VPS13B: variants seen among roughly 807,000 people sequenced by gnomAD.
VPS13B encodes vacuolar protein sorting 13 homolog B.
VPS13B carries 285 observed loss-of-function variants against 426.4 expected under a neutral mutation model. The observed-to-expected ratio is 0.67, with a 90% CI of 0.61 to 0.74. VPS13B has a LOEUF of 0.74. Among genes scored for constraint, VPS13B ranks in the 30% least tolerant of loss-of-function variants. The pLI, the probability that VPS13B is intolerant of heterozygous loss-of-function variation, is 0.00. For missense variants in VPS13B, 4,537 were observed against 4,782.6 expected, an observed-to-expected ratio of 0.95 and a Z score of 1.51; for synonymous variants, 1,676 against 1,676.4, an observed-to-expected ratio of 1.00 and a Z score of 0.01.
In VPS13B at chr8:99,577,601, A is replaced by G; in HGVS notation, c.5188A>G (p.Thr1730Ala). ...ACATCAGTTAATAGTAGCAAATATGACTGGACTGGAACCATCAAACAAGGC... is the reference window on the plus strand; with the variant it reads ...ACATCAGTTAATAGTAGCAAATATGGCTGGACTGGAACCATCAAACAAGGC... ...LLHQLIVANM[T>A]GLEPSNKAAE... The change falls in exon 33 of 62, where the codon ACT becomes GCT. Residue 1730 changes from threonine to alanine, a missense_variant. Coordinates refer to ENST00000357162, the MANE Select transcript of VPS13B (RefSeq NM_152564.5). 6.2e-7 allele frequency: 1 copy of G among 1,613,846 alleles called. No individual in the cohort carries two copies. The highest frequency in any genetic ancestry group is 8.5e-7 in the Non-Finnish European group (1 of 1,179,776).
chr8:99,200,256 G>A (rs893841848), intron 17 of VPS13B, among the ~76,000 whole-genome samples: 4 of 152,112 alleles, frequency 2.6e-5, no homozygotes, highest in African/African-American at 9.7e-5. Flanking sequence ...TTGCCAAATA[G>A]TATTCCATTT....
chr8:99,312,278 A>G (rs1056662639), intron 19 of VPS13B, among the ~76,000 whole-genome samples: 1 of 152,062 alleles, frequency 6.6e-6, no homozygotes, highest in African/African-American at 2.4e-5. Flanking sequence ...GGTCTTTACA[A>G]TTTGGCATGT....
intron 17 of VPS13B, among the ~76,000 whole-genome samples, chr8:99,266,708 T>C (rs1818325407): frequency 6.6e-6 from 1 of 152,150 alleles, no homozygotes; most frequent in African/African-American, 2.4e-5. Flanking sequence ...CATGCTGTTC[T>C]TGTGATAGTG....
intron 31 of VPS13B, among the ~76,000 whole-genome samples, chr8:99,574,526 G>C (rs972981985): frequency 3.3e-5 from 5 of 152,238 alleles, no homozygotes; most frequent in South Asian, 4.1e-4. Flanking sequence ...GTTGAATTTT[G>C]TCAAAGGCCT....
intron 22 of VPS13B, among the ~76,000 whole-genome samples, chr8:99,436,140 A>T (rs562781633): frequency 1.3e-5 from 2 of 152,348 alleles, no homozygotes; most frequent in East Asian, 1.9e-4. Context: ...AAAAATGCTT[A>T]GAATTTTGAG....
intron 17 of VPS13B, among the ~76,000 whole-genome samples, chr8:99,239,095 A>T (rs1377980840): frequency 6.6e-6 from 1 of 152,070 alleles, no homozygotes; most frequent in Admixed American, 6.6e-5. Context: ...TTTAATGAGC[A>T]TCCCAGTGTT....
chr8:99,628,683 C>T (rs112434461), intron 33 of VPS13B, among the ~76,000 whole-genome samples: 223 of 151,804 alleles, frequency 1.5e-3, no homozygotes, highest in African/African-American at 5.0e-3. Context: ...AATAAGGTTC[C>T]GAGACAAACT....
Position 99,242,067 on chromosome 8 carries a change from G to A in VPS13B, c.2516-32131G>A, listed in dbSNP as rs182638306. Among the ~76,000 whole-genome samples, 63 of 152,016 alleles carry A rather than the reference G, an allele frequency of 4.1e-4. 1 individual carries two copies. In the East Asian group the frequency reaches 0.011, roughly 27 times the overall value. On this transcript the variant is annotated intron_variant, in intron 17 of 61. Coordinates refer to ENST00000357162, the MANE Select transcript of VPS13B (RefSeq NM_152564.5). The stretch of plus-strand genomic sequence containing the variant: ...GTGGTCTCGGCTCACTGCAACCTCC[G>A]CCTCCCGGGTTCACGCTATTCGCCT...
chr8:99,355,288 TCTTAA>T (rs1447439373), intron 19 of VPS13B, among the ~76,000 whole-genome samples: 1 of 152,152 alleles, frequency 6.6e-6, no homozygotes, highest in East Asian at 1.9e-4. Context: ...CAACTGCTTT[TCTTAA>T]CTTAAAAATC....
intron 34 of VPS13B, among the ~76,000 whole-genome samples, chr8:99,651,148 A>G (rs1215254972): frequency 6.6e-6 from 1 of 152,132 alleles, no homozygotes; most frequent in African/African-American, 2.4e-5. Flanking sequence ...ATACATTTAA[A>G]AACGTATTTG....
Position 99,431,610 on chromosome 8 carries a change from A to G in VPS13B, c.3156A>G (p.Arg1052=), listed in dbSNP as rs1214120037. The G allele has an allele frequency of 1.2e-6, 2 of 1,613,554 alleles. No individual in the cohort carries two copies. Among genetic ancestry groups the G allele is most frequent in the South Asian group, 2.2e-5 (2 of 91,056 alleles). ...AAAGCTGTAGAAGTCCTGAAGAAAG[A>G]ATGAAGGAATTTATTGGAATTGTTT... ...ISESCRSPEE[R]MKEFIGIVWN... Residue 1052 remains arginine, a synonymous_variant, in exon 22 of 62, where the codon AGA becomes AGG. Transcript: ENST00000357162.
chr8:99,626,573 A>G (rs548027465), intron 33 of VPS13B, among the ~76,000 whole-genome samples: 40 of 152,342 alleles, frequency 2.6e-4, no homozygotes, highest in Non-Finnish European at 4.7e-4. Context: ...ACATTTATAT[A>G]TCCACTTTAA....
At chr8:99,615,229 T>C (rs1397610081) in intron 33 of VPS13B, among the ~76,000 whole-genome samples, 1 of 152,188 alleles carries the variant, frequency 6.6e-6, no homozygotes, top group African/African-American at 2.4e-5. Flanking sequence ...TGTGTTATTA[T>C]TATAAGTAAT....
intron 17 of VPS13B, among the ~76,000 whole-genome samples, chr8:99,260,009 A>G (rs1289494623): frequency 6.6e-6 from 1 of 152,110 alleles, no homozygotes; most frequent in Admixed American, 6.6e-5. Flanking sequence ...TCAAATTACA[A>G]GAGAGACACA....
chr8:99,452,979 A>G (rs1227387382), intron 23 of VPS13B, among the ~76,000 whole-genome samples: 1 of 152,182 alleles, frequency 6.6e-6, no homozygotes, highest in Non-Finnish European at 1.5e-5. Context: ...CACTGTGCCT[A>G]AGAGAGGTTT....
At chr8:99,313,610 G>C (rs1313755897) in intron 19 of VPS13B, among the ~76,000 whole-genome samples, 1 of 152,132 alleles carries the variant, frequency 6.6e-6, no homozygotes, top group African/African-American at 2.4e-5. Flanking sequence ...GGGTACTCAG[G>C]GGTCATGGAC....
intron 51 of VPS13B, among the ~76,000 whole-genome samples, chr8:99,824,648 CAGGTTTGTTACATAGGT>C (rs1483249017): frequency 6.7e-6 from 1 of 148,684 alleles, no homozygotes; most frequent in Non-Finnish European, 1.5e-5. Flanking sequence ...GTAGAACATA[CAGGTTTGTTACATAGGT>C]ATACATGTGC....
intron 28 of VPS13B, 31 bp downstream of exon 28, chr8:99,507,234 A>C: frequency 6.2e-7 from 1 of 1,603,012 alleles, no homozygotes; most frequent in East Asian, 2.2e-5. Flanking sequence ...ATGATTTTTG[A>C]AAATGTACTT....
At chr8:99,161,165 A>G (rs1811628661) in intron 15 of VPS13B, among the ~76,000 whole-genome samples, 1 of 152,204 alleles carries the variant, frequency 6.6e-6, no homozygotes, top group Non-Finnish European at 1.5e-5. Flanking sequence ...AATGCTTTAT[A>G]CTTAAGCTTT....
Sources: allele counts gnomAD v4.1 joint callset (sites outside exome capture counted in the v4.1 genomes callset), GRCh38; gene constraint gnomAD v4.1.1; transcripts MANE v1.5; gene names NCBI Gene and HGNC (gene_info 2026-07-23, HGNC 2026-07-21).